POLD3: variants seen among roughly 807,000 people sequenced by gnomAD.
The protein encoded by POLD3 is DNA polymerase delta 3, accessory subunit, also known as DNA polymerase delta subunit 3.
POLD3 carries 19 observed loss-of-function variants against 58.2 expected under a neutral mutation model. The observed-to-expected ratio is 0.33, with a 90% CI of 0.23 to 0.48. POLD3 has a LOEUF of 0.48. POLD3 is among the 20% of genes least tolerant of loss of function. POLD3 has a pLI of 0.99. For missense variants in POLD3, 504 were observed against 545.5 expected (o/e 0.92, Z 0.76); for synonymous variants, 172 against 193.5 (o/e 0.89, Z 0.92).
chr11:74,598,164 T>C (rs569256448), intron 2 of POLD3, among the ~76,000 whole-genome samples: 23 of 152,118 alleles, frequency 1.5e-4, no homozygotes, highest in Non-Finnish European at 3.1e-4. Flanking sequence ...AGCTTTCAGA[T>C]TAGGTGTTAG....
Position 74,641,053 on chromosome 11 carries a change from A to AT in POLD3, c.*289dup, listed in dbSNP as rs1359439924. The stretch of plus-strand genomic sequence containing the variant: ...AAATTATACTGGAACAGTTTTCAGA[A>AT]TTCTCACTGAAGCCATTTAGTGGCT... On this transcript the variant is annotated 3_prime_UTR_variant, in exon 12 of 12. Coordinates refer to ENST00000263681, the MANE Select transcript of POLD3 (RefSeq NM_006591.3). 9 of 1,066,896 alleles carry AT rather than the reference A, an allele frequency of 8.4e-6. No individual in the cohort carries two copies. 66.1% of individuals were successfully genotyped at this position (1,066,896 alleles called of 1,614,324 possible).
At chr11:74,609,372 A>ATATTT (rs2031821525) in intron 3 of POLD3, among the ~76,000 whole-genome samples, 1 of 27,192 alleles carries the variant, frequency 3.7e-5, no homozygotes, top group African/African-American at 1.9e-4. Context: ...ATATATATAT[A>ATATTT]TTTTTTTTTT....
intron 4 of POLD3, among the ~76,000 whole-genome samples, chr11:74,660,992 G>GC (rs2033199334): frequency 6.6e-6 from 1 of 151,442 alleles, no homozygotes; most frequent in Non-Finnish European, 1.5e-5. Flanking sequence ...GGATTCTGAT[G>GC]CATTCTTCAG....
At chr11:74,608,296 T>A (rs915060858) in intron 3 of POLD3, among the ~76,000 whole-genome samples, 3 of 152,178 alleles carry the variant, frequency 2.0e-5, no homozygotes, top group African/African-American at 7.2e-5. Flanking sequence ...TTTATTTTTA[T>A]TTTTATTAGA....
At chr11:74,605,735 A>G (rs1434750179) in intron 3 of POLD3, among the ~76,000 whole-genome samples, 1 of 152,102 alleles carries the variant, frequency 6.6e-6, no homozygotes, top group Non-Finnish European at 1.5e-5. Context: ...GATTTGTCAA[A>G]ATATTGACTG....
chr11:74,593,540 G>C (rs2031112007), intron 1 of POLD3, among the ~76,000 whole-genome samples: 1 of 152,216 alleles, frequency 6.6e-6, no homozygotes, highest in Admixed American at 6.5e-5. Flanking sequence ...GGGTCTAGGA[G>C]GGATGAAGGC....
At chr11:74,627,107 A>G (rs1044499012) in intron 8 of POLD3, among the ~76,000 whole-genome samples, 23 of 152,172 alleles carry the variant, frequency 1.5e-4, no homozygotes, top group African/African-American at 5.5e-4. Flanking sequence ...CTTAGGAGAT[A>G]TTTCAAAAGA....
At chr11:74,614,026 A>T (rs2032001022) in intron 5 of POLD3, among the ~76,000 whole-genome samples, 2 of 152,250 alleles carry the variant, frequency 1.3e-5, no homozygotes, top group Admixed American at 1.3e-4. Flanking sequence ...CAGAGCTAAG[A>T]GAGAAAACAT....
At chr11:74,592,867 C>T (rs2031083278) in intron 1 of POLD3, 149 bp downstream of exon 1, 2 of 1,472,978 alleles carry the variant, frequency 1.4e-6, no homozygotes, top group East Asian at 2.5e-5. Flanking sequence ...GAGCTCTGTG[C>T]CCCAGAGCGA....
intron 4 of POLD3, among the ~76,000 whole-genome samples, chr11:74,651,737 G>T (rs560859994): frequency 2.0e-5 from 3 of 152,324 alleles, no homozygotes; most frequent in Non-Finnish European, 4.4e-5. Flanking sequence ...TGGGCATGTG[G>T]CTGTAGCCTG....
intron 4 of POLD3, among the ~76,000 whole-genome samples, chr11:74,662,703 T>C (rs2033219407): frequency 1.3e-5 from 2 of 152,106 alleles, no homozygotes; most frequent in South Asian, 2.1e-4. Flanking sequence ...CTAGGTCACA[T>C]GCCCCCCAGG....
chr11:74,606,056 G>C (rs1434272798), intron 3 of POLD3, among the ~76,000 whole-genome samples: 4 of 152,182 alleles, frequency 2.6e-5, no homozygotes, highest in Admixed American at 2.0e-4. Context: ...CTGCACTCCA[G>C]CTTGGGTGAT....
intron 4 of POLD3, among the ~76,000 whole-genome samples, chr11:74,660,809 G>A (rs2135199863): frequency 1.3e-5 from 2 of 152,162 alleles, no homozygotes; most frequent in African/African-American, 2.4e-5. Context: ...TTCTGTACAG[G>A]CTGTTGAACT....
rs1409177948 is a variant in POLD3 at position 74,640,845 on chromosome 11, A to C, written c.*79A>C. On this transcript the variant is annotated 3_prime_UTR_variant, in exon 12 of 12. Coordinates refer to ENST00000263681, the MANE Select transcript of POLD3 (RefSeq NM_006591.3). ...AAATGTACTCCTCACTTACTATGTAAGTTCATCTAGATCTCCACCTCACCT... is the reference window on the plus strand; with the variant it reads ...AAATGTACTCCTCACTTACTATGTACGTTCATCTAGATCTCCACCTCACCT... 3.0e-5 allele frequency: 41 copies of C among 1,385,172 alleles called. No individual in the cohort carries two copies. In the South Asian group the frequency reaches 6.8e-4, roughly 23 times the overall value. 85.8% of individuals were successfully genotyped at this position (1,385,172 alleles called of 1,614,324 possible).
At chr11:74,604,496 G>T in intron 2 of POLD3, 196 bp from the exon 3 acceptor site, 1 of 533,774 alleles carries the variant, frequency 1.9e-6, no homozygotes. Flanking sequence ...CCAAACACAT[G>T]GACTCTACTC....
At chr11:74,632,588 T>C (rs979958387) in intron 9 of POLD3, among the ~76,000 whole-genome samples, 1 of 152,222 alleles carries the variant, frequency 6.6e-6, no homozygotes, top group Admixed American at 6.5e-5. Flanking sequence ...TGATAATCTC[T>C]ACTCTCTGGC....
chr11:74,601,744 T>C (rs982996469), intron 2 of POLD3, among the ~76,000 whole-genome samples: 1 of 152,230 alleles, frequency 6.6e-6, no homozygotes, highest in East Asian at 1.9e-4. Flanking sequence ...GCTGCGCCAC[T>C]GCACTTCAGC....
chr11:74,653,557 A>C (rs2135194941), intron 4 of POLD3, among the ~76,000 whole-genome samples: 1 of 152,352 alleles, frequency 6.6e-6, no homozygotes, highest in East Asian at 1.9e-4. Flanking sequence ...ATAACTCCAA[A>C]GTATAGTTAA....
chr11:74,636,178 G>GTA lies in POLD3; in HGVS notation c.1120-17_1120-16dup. 1 of 1,604,584 alleles carries GTA rather than the reference G, an allele frequency of 6.2e-7. No individual in the cohort carries two copies. Among genetic ancestry groups the GTA allele is most frequent in the Non-Finnish European group, 8.5e-7 (1 of 1,172,276 alleles). On this transcript the variant is annotated intron_variant, in intron 10 of 11. Transcript: ENST00000263681. ...AACATAATTGATCCAGCTTAACATT[G>GTA]TATCCTCTGACCTTTTAGAGCTCAA...
Sources: gnomAD v4.1 joint callset for allele counts (sites outside exome capture counted in the v4.1 genomes callset) on GRCh38, gnomAD v4.1.1 for gene constraint, MANE v1.5 for transcripts, NCBI Gene and HGNC (gene_info 2026-07-23, HGNC 2026-07-21) for gene names.